Variants in OCA2 observed in about 807,000 individuals in gnomAD.
OCA2 encodes OCA2 melanosomal transmembrane protein.
Under a neutral mutation model 100.2 loss-of-function variants are expected in OCA2, and 77 were observed. That is an observed-to-expected ratio of 0.77 (90% CI 0.64 to 0.93). The LOEUF (loss-of-function observed/expected upper bound fraction) is 0.93, where lower values mean the gene tolerates loss of function less well. Ranked by LOEUF, OCA2 falls within the 40% of genes least tolerant of loss-of-function variation. The probability of loss-of-function intolerance (pLI) is 0.00; values close to 1 mark genes in which losing one functional copy is unlikely to be tolerated. For missense variants in OCA2, 1,062 were observed against 1,089.1 expected (o/e 0.98, Z 0.35); for synonymous variants, 432 against 439.2 (o/e 0.98, Z 0.21).
intron 23 of OCA2, among the ~76,000 whole-genome samples, chr15:27,799,088 C>A (rs1216871828): frequency 6.6e-6 from 1 of 151,494 alleles, no homozygotes; most frequent in East Asian, 2.0e-4. Flanking sequence ...CATGATTATT[C>A]TCATTATTCA....
At chr15:27,749,888 T>C (rs1352014129), downstream of OCA2, among the ~76,000 whole-genome samples, 1 of 152,232 alleles carries the variant, frequency 6.6e-6, no homozygotes, top group Non-Finnish European at 1.5e-5. Context: ...AAGTTCAACA[T>C]AGTAAAATTG....
At chr15:27,829,550 T>C (rs1192208735) in intron 23 of OCA2, among the ~76,000 whole-genome samples, 1 of 152,200 alleles carries the variant, frequency 6.6e-6, no homozygotes, top group Non-Finnish European at 1.5e-5. Context: ...ACAGACACAC[T>C]GCCAAGGGGG....
chr15:28,084,073 T>C (rs1595931819), intron 1 of OCA2, among the ~76,000 whole-genome samples: 1 of 152,120 alleles, frequency 6.6e-6, no homozygotes, highest in Admixed American at 6.6e-5. Context: ...GCCCTGAGGG[T>C]AGAGCTCTCA....
At chr15:27,753,927 C>T (rs1427306193), downstream of OCA2, among the ~76,000 whole-genome samples, 5 of 151,846 alleles carry the variant, frequency 3.3e-5, no homozygotes, top group Non-Finnish European at 7.4e-5. Flanking sequence ...CATGAGGGAG[C>T]CCAGTGCTGT....
intron 18 of OCA2, among the ~76,000 whole-genome samples, chr15:27,940,880 C>T (rs1207181986): frequency 6.6e-6 from 1 of 152,198 alleles, no homozygotes; most frequent in Non-Finnish European, 1.5e-5. Context: ...ACTATTCTCT[C>T]ATAATTTATT....
intron 23 of OCA2, among the ~76,000 whole-genome samples, chr15:27,811,827 T>C (rs995387217): frequency 6.6e-6 from 1 of 152,136 alleles, no homozygotes; most frequent in African/African-American, 2.4e-5. Context: ...ACCAGGTCAC[T>C]GGATATCTAA....
chr15:27,836,054 C>A (rs1013819540), intron 23 of OCA2, among the ~76,000 whole-genome samples: 8 of 152,212 alleles, frequency 5.3e-5, no homozygotes, highest in African/African-American at 1.9e-4. Context: ...CCAGGACTCT[C>A]TGGCCTTCAG....
chr15:28,009,349 C>T (rs1016797423), intron 9 of OCA2, among the ~76,000 whole-genome samples: 1 of 152,116 alleles, frequency 6.6e-6, no homozygotes, highest in African/African-American at 2.4e-5. Flanking sequence ...TTTAAGCCCA[C>T]AGAATATTCA....
intron 21 of OCA2, among the ~76,000 whole-genome samples, chr15:27,858,913 A>G (rs1295102470): frequency 6.6e-6 from 1 of 152,090 alleles, no homozygotes; most frequent in Admixed American, 6.5e-5. Context: ...AAATTTACAA[A>G]TATTAAACAA....
intron 2 of OCA2, among the ~76,000 whole-genome samples, chr15:28,076,853 CAAA>C (rs575299612): frequency 6.6e-5 from 4 of 60,750 alleles, no homozygotes; most frequent in African/African-American, 1.1e-4. Context: ...GACTCCGTCT[CAAA>C]AAAAAAAAAA....
intron 23 of OCA2, among the ~76,000 whole-genome samples, chr15:27,800,246 T>C (rs761036357): frequency 6.6e-6 from 1 of 151,872 alleles, no homozygotes; most frequent in Non-Finnish European, 1.5e-5. Context: ...AACATCTATA[T>C]TGAAAAAGTG....
intron 23 of OCA2, among the ~76,000 whole-genome samples, chr15:27,799,766 G>C (rs1307486209): frequency 1.3e-5 from 2 of 151,626 alleles, no homozygotes; most frequent in East Asian, 3.9e-4. Context: ...AAAAACTTTA[G>C]CAAAAATTGA....
At chr15:27,904,417 T>C (rs945826606) in intron 19 of OCA2, among the ~76,000 whole-genome samples, 3 of 151,978 alleles carry the variant, frequency 2.0e-5, no homozygotes, top group African/African-American at 7.3e-5. Context: ...CACACTACAG[T>C]GCGGGGTGTA....
In OCA2 at chr15:28,006,970, T is replaced by C. The variant is rs114805929; in HGVS notation, c.1044+7806A>G. 8.0e-3 allele frequency among the ~76,000 whole-genome samples: 1,217 copies of C among 152,360 alleles called. 15 individuals carry two copies. Among genetic ancestry groups the C allele is most frequent in the African/African-American group, 0.027 (1,143 of 41,582 alleles). ...CTGGAAGATGGAAGGTGTTCTCTAT[T>C]CATCTCCCTCGAATTTAATTTCACA... On this transcript the variant is annotated intron_variant, in intron 9 of 23. Transcript: ENST00000354638.
At chr15:27,811,678 C>T (rs1178872164) in intron 23 of OCA2, among the ~76,000 whole-genome samples, 4 of 152,184 alleles carry the variant, frequency 2.6e-5, no homozygotes, top group South Asian at 2.1e-4. Flanking sequence ...TCTGTAGGGA[C>T]ACAGGGCCGT....
intron 19 of OCA2, among the ~76,000 whole-genome samples, chr15:27,872,782 C>T (rs554373698): frequency 1.3e-5 from 2 of 151,996 alleles, no homozygotes; most frequent in South Asian, 4.2e-4. Flanking sequence ...CTCCACCTCC[C>T]GGGTTCAAGT....
At chr15:27,950,804 A>T (rs1272346787) in intron 18 of OCA2, among the ~76,000 whole-genome samples, 7 of 152,208 alleles carry the variant, frequency 4.6e-5, no homozygotes, top group Non-Finnish European at 1.0e-4. Context: ...GGCATTATCC[A>T]TCTATTTTAC....
chr15:27,851,456 A>C lies in OCA2; in HGVS notation c.2264T>G (p.Leu755Arg). ...TATMIPVLLN[L>R]SHDPEVGLPA... ...CAGGCCAACCTCAGGGTCGTGGCTC[A>C]GGTTCAGGAGCACGGGAATCTGTGG... Residue 755 changes from leucine (L) to arginine (R), a missense_variant, in exon 22 of 24, where the codon CTG (leucine) becomes CGG (arginine). Leu to Arg is a moderately radical substitution (Grantham distance 102). Transcript: ENST00000354638. 1 of 1,613,672 alleles carries C rather than the reference A, an allele frequency of 6.2e-7. No homozygotes were observed. The highest frequency in any genetic ancestry group is 8.5e-7 in the Non-Finnish European group (1 of 1,179,880).
chr15:27,900,911 TA>T (rs2037902582), intron 19 of OCA2, among the ~76,000 whole-genome samples: 1 of 152,212 alleles, frequency 6.6e-6, no homozygotes, highest in Non-Finnish European at 1.5e-5. Flanking sequence ...AAAAACCACG[TA>T]TCTGAAGTGG....
Sources: gnomAD v4.1 joint callset for allele counts (sites outside exome capture counted in the v4.1 genomes callset) on GRCh38, gnomAD v4.1.1 for gene constraint, MANE v1.5 for transcripts, NCBI Gene and HGNC (gene_info 2026-07-23, HGNC 2026-07-21) for gene names.